Variants in FAM135A observed in about 807,000 individuals in gnomAD.
FAM135A encodes protein FAM135A.
Under a neutral mutation model 146.8 loss-of-function variants are expected in FAM135A, and 79 were observed. The observed-to-expected ratio is 0.54, with a 90% confidence interval of 0.45 to 0.65. The LOEUF is 0.65. Among genes scored for constraint, FAM135A ranks in the 30% least tolerant of loss-of-function variants. The pLI is 0.00. For missense variants in FAM135A, 1,623 were observed against 1,758.2 expected (o/e 0.92, Z 1.38); for synonymous variants, 562 against 603.6 (o/e 0.93, Z 1.01).
At chr6:70,435,447 G>A (rs553619485) in intron 4 of FAM135A, among the ~76,000 whole-genome samples, 249 of 152,142 alleles carry the variant, frequency 1.6e-3, no homozygotes, top group African/African-American at 5.8e-3. Context: ...ACAAAACCAT[G>A]GAACTTAAAT....
intron 5 of FAM135A, among the ~76,000 whole-genome samples, chr6:70,467,691 C>A (rs1359961956): frequency 2.0e-5 from 3 of 151,750 alleles, no homozygotes; most frequent in Non-Finnish European, 2.9e-5. Flanking sequence ...CTTATTCTCT[C>A]TCCCACTCCC....
In FAM135A at chr6:70,477,227, G is replaced by A. The variant is rs201350616; in HGVS notation, c.437G>A (p.Arg146Lys). 1.7e-5 allele frequency: 27 copies of A among 1,613,536 alleles called. No individual in the cohort carries two copies. The East Asian group carries it at 4.9e-4, about 29-fold the overall frequency. Residue 146 changes from arginine to lysine, a missense_variant, in exon 8 of 22, where the codon AGA becomes AAA. By Grantham distance (26) the Arg-to-Lys change is conservative. This residue lies in a region of FAM135A where 171 missense variants were observed against 164.9 expected (regional missense o/e 1.04). Coordinates refer to ENST00000418814, the MANE Select transcript of FAM135A (RefSeq NM_001162529.3). Reference protein sequence around the residue: ...RTLKLHFSPHRGLHHHVNVMF... With the variant: ...RTLKLHFSPHKGLHHHVNVMF... The stretch of plus-strand genomic sequence containing the variant: ...TTGAAGCTGCACTTTAGCCCCCATA[G>A]AGGCCTTCATCATCATGTTAATGTT...
intron 20 of FAM135A, among the ~76,000 whole-genome samples, chr6:70,551,254 C>T (rs1222307098): frequency 6.6e-6 from 1 of 152,168 alleles, no homozygotes; most frequent in Non-Finnish European, 1.5e-5. Flanking sequence ...TGCTTTTCAG[C>T]GTGTCTTGGC....
intron 7 of FAM135A, among the ~76,000 whole-genome samples, chr6:70,476,167 T>A (rs1782602944): frequency 6.6e-6 from 1 of 152,154 alleles, no homozygotes; most frequent in African/African-American, 2.4e-5. Flanking sequence ...TTCATTAATT[T>A]CCAGAGCCCT....
chr6:70,422,372 C>A (rs566750769), intron 2 of FAM135A, among the ~76,000 whole-genome samples: 16 of 152,270 alleles, frequency 1.1e-4, no homozygotes, highest in African/African-American at 3.4e-4. Context: ...TGCCTGCTCT[C>A]CTTTTCCTTT....
At chr6:70,534,314 T>C (rs1796397520) in intron 18 of FAM135A, among the ~76,000 whole-genome samples, 1 of 130,110 alleles carries the variant, frequency 7.7e-6, no homozygotes, top group Admixed American at 9.1e-5. Flanking sequence ...TTTGTATACT[T>C]TTTTTTTTTT....
chr6:70,495,507 G>A (rs1461008268), intron 11 of FAM135A, among the ~76,000 whole-genome samples: 1 of 152,054 alleles, frequency 6.6e-6, no homozygotes, highest in Non-Finnish European at 1.5e-5. Flanking sequence ...GTGAGTTGGG[G>A]AAGAAAAGCC....
At chr6:70,486,865 T>G (rs1021158125) in intron 10 of FAM135A, among the ~76,000 whole-genome samples, 1 of 151,596 alleles carries the variant, frequency 6.6e-6, no homozygotes, top group African/African-American at 2.4e-5. Context: ...CAGTGGAGAT[T>G]GCAGTGAGCC....
chr6:70,494,350 C>G (rs1427987326), intron 11 of FAM135A, among the ~76,000 whole-genome samples: 2 of 151,644 alleles, frequency 1.3e-5, no homozygotes, highest in African/African-American at 2.4e-5. Flanking sequence ...ACAAATATAG[C>G]CAGACACAGT....
chr6:70,487,523 T>C (rs1784924128), intron 10 of FAM135A, among the ~76,000 whole-genome samples: 1 of 152,170 alleles, frequency 6.6e-6, no homozygotes, highest in African/African-American at 2.4e-5. Context: ...TATCTCAACA[T>C]TTCTCAGGTG....
chr6:70,499,166 G>A (rs773002001), intron 11 of FAM135A, among the ~76,000 whole-genome samples: 8 of 151,994 alleles, frequency 5.3e-5, no homozygotes, highest in Non-Finnish European at 7.4e-5. Flanking sequence ...CTCCTGTATT[G>A]GTGCATATAT....
chr6:70,524,269 A>G (rs1794227381), intron 14 of FAM135A, 74 bp from the exon 15 acceptor site: 4 of 1,412,538 alleles, frequency 2.8e-6, no homozygotes, highest in Non-Finnish European at 3.7e-6. Flanking sequence ...AGTTATAGTT[A>G]GAAAAAGAAG....
rs1795989806 is a variant in FAM135A at position 70,532,347 on chromosome 6, G to A, written c.3776-813G>A. Among the ~76,000 whole-genome samples, 3 of 152,146 alleles carry A rather than the reference G, an allele frequency of 2.0e-5. No homozygotes were observed. The South Asian group carries it at 6.2e-4, about 32-fold the overall frequency. On this transcript the variant is annotated intron_variant, in intron 16 of 21. Coordinates refer to ENST00000418814, the MANE Select transcript of FAM135A (RefSeq NM_001162529.3). ...TGAAGAACACTTGTGTCTTATATCT[G>A]TATTGTAAGTATATGTGTAGATGCC...
At chr6:70,526,766 T>TACACACACACACACACACACAC in intron 15 of FAM135A, 68 bp downstream of exon 15, 1 of 451,502 alleles carries the variant, frequency 2.2e-6, no homozygotes, top group Admixed American at 4.4e-5. Flanking sequence ...CACACACACA[T>TACACACACACACACACACACAC]ACACACACAC....
At chr6:70,477,034 A>T in intron 7 of FAM135A, 125 bp from the exon 8 acceptor site, 1 of 1,002,366 alleles carries the variant, frequency 1.0e-6, no homozygotes, top group East Asian at 2.7e-5. Flanking sequence ...TGCTTTAAAA[A>T]TTACTCTTAT....
At chr6:70,507,314 TAATAA>T (rs1790012609) in intron 12 of FAM135A, among the ~76,000 whole-genome samples, 1 of 152,174 alleles carries the variant, frequency 6.6e-6, no homozygotes, top group Non-Finnish European at 1.5e-5. Flanking sequence ...GGAACCTTGC[TAATAA>T]AATATCTTGT....
At chr6:70,559,527 TACATTTTCTATAAAC>T (rs960306189) in intron 21 of FAM135A, among the ~76,000 whole-genome samples, 174 bp from the exon 22 acceptor site, 18 of 152,208 alleles carry the variant, frequency 1.2e-4, no homozygotes, top group Admixed American at 1.1e-3. Flanking sequence ...TGTGATTACT[TACATTTTCTATAAAC>T]AGAACCAAAA....
chr6:70,437,346 A>G (rs963925631), intron 4 of FAM135A, among the ~76,000 whole-genome samples: 1 of 152,086 alleles, frequency 6.6e-6, no homozygotes, highest in Non-Finnish European at 1.5e-5. Flanking sequence ...GGGAAACAAC[A>G]AGTGGGCTTG....
intron 3 of FAM135A, among the ~76,000 whole-genome samples, chr6:70,427,874 C>G (rs1770560941): frequency 6.6e-6 from 1 of 152,154 alleles, no homozygotes; most frequent in Admixed American, 6.5e-5. Context: ...AAAAACCTTT[C>G]ATCAGCTTAA....
Sources: allele counts gnomAD v4.1 joint callset (sites outside exome capture counted in the v4.1 genomes callset), GRCh38; gene constraint gnomAD v4.1.1; regional missense constraint gnomAD v4.1.1; transcripts MANE v1.5; gene names NCBI Gene and HGNC (gene_info 2026-07-23, HGNC 2026-07-21).